CDK7: variants seen among roughly 807,000 people sequenced by gnomAD.
CDK7 encodes cyclin-dependent kinase 7.
CDK7 carries 25 observed loss-of-function variants against 49.1 expected under a neutral mutation model. The ratio of observed to expected loss-of-function variants is 0.51; its 90% CI spans 0.37 to 0.71. The LOEUF is 0.71. Among genes scored for constraint, CDK7 ranks in the 30% least tolerant of loss-of-function variants. CDK7 has a pLI of 0.00. For synonymous variants in CDK7, 107 were observed against 140.0 expected (o/e 0.76, Z 1.67); for missense variants, 316 against 411.7 (o/e 0.77, Z 2.01).
In CDK7 at chr5:69,269,276, A is replaced by G. The variant is rs1751367283; in HGVS notation, c.697A>G (p.Thr233Ala). 3.7e-6 allele frequency: 6 copies of G among 1,610,392 alleles called. No homozygotes were observed. Among genetic ancestry groups the G allele is most frequent in the African/African-American group, 2.7e-5 (2 of 74,808 alleles). Residue 233 changes from threonine to alanine, a missense_variant, in exon 9 of 12, where the codon ACT (threonine) becomes GCT (alanine). Physicochemically the swap from Thr to Ala is moderately conservative, Grantham distance 58. Coordinates refer to ENST00000256443, the MANE Select transcript of CDK7 (RefSeq NM_001799.4). The part of the protein sequence containing the change: ...TRIFETLGTP[T>A]EEQWPDMCSL... ...AATATTTGAAACTTTGGGCACACCAACTGAGGAACAGTGGCCGGTAAGCCT... is the reference window on the plus strand; with the variant it reads ...AATATTTGAAACTTTGGGCACACCAGCTGAGGAACAGTGGCCGGTAAGCCT...
intron 2 of CDK7, among the ~76,000 whole-genome samples, chr5:69,252,094 G>A (rs530258328): frequency 1.4e-4 from 21 of 152,210 alleles, no homozygotes; most frequent in Middle Eastern, 3.4e-3. Flanking sequence ...TTGAAGTTAC[G>A]TATTTATTTT....
chr5:69,241,204 A>G (rs989907246), intron 2 of CDK7, among the ~76,000 whole-genome samples: 36 of 151,840 alleles, frequency 2.4e-4, no homozygotes, highest in African/African-American at 8.7e-4. Flanking sequence ...TCCCACCAAC[A>G]ATGTACCTAG....
At chr5:69,255,130 TTTC>T (rs35100091) in intron 4 of CDK7, among the ~76,000 whole-genome samples, 6,481 of 152,322 alleles carry the variant, frequency 0.043, 192 homozygotes, top group South Asian at 0.061. Flanking sequence ...ATTTAGAGGA[TTTC>T]TTAAGAATCA....
At chr5:69,260,226 T>G (rs1388270055) in intron 7 of CDK7, among the ~76,000 whole-genome samples, 1 of 152,176 alleles carries the variant, frequency 6.6e-6, no homozygotes, top group Non-Finnish European at 1.5e-5. Context: ...GGCGCACGCC[T>G]GTAATCCTAG....
intron 3 of CDK7, among the ~76,000 whole-genome samples, chr5:69,253,795 A>G (rs985746139): frequency 6.6e-6 from 1 of 152,166 alleles, no homozygotes; most frequent in African/African-American, 2.4e-5. Flanking sequence ...TTGTTAAGCT[A>G]TTTTAAAAGT....
intron 5 of CDK7, among the ~76,000 whole-genome samples, chr5:69,256,731 A>G (rs1457859724): frequency 1.3e-5 from 2 of 152,154 alleles, no homozygotes; most frequent in African/African-American, 4.8e-5. Context: ...TGATGCTGTT[A>G]TAGATCACAA....
At chr5:69,254,567 G>T in intron 3 of CDK7, 35 bp from the exon 4 acceptor site, 5 of 892,064 alleles carry the variant, frequency 5.6e-6, no homozygotes, top group Non-Finnish European at 9.1e-6. Context: ...TGAGATTTCA[G>T]AATTATTCAC....
At position 69,242,917 on chromosome 5, in the gene CDK7, T is replaced by C. The variant is rs149662632; in HGVS notation, c.126+7464T>C. Among the ~76,000 whole-genome samples the C allele has an allele frequency of 4.8e-3, 732 of 152,152 alleles. 11 individuals carry two copies. The highest frequency in any genetic ancestry group is 0.017 in the African/African-American group (701 of 41,534). ...AAAATTATCCGGGCGTGGTGGTGCATGCCTGTAATTCCAGCTACTCTGCAG... is the reference window on the plus strand; with the variant it reads ...AAAATTATCCGGGCGTGGTGGTGCACGCCTGTAATTCCAGCTACTCTGCAG... On this transcript the variant is annotated intron_variant, in intron 2 of 11. Transcript: ENST00000256443.
In CDK7 at chr5:69,242,488, T is replaced by A. The variant is rs144111799; in HGVS notation, c.126+7035T>A. ...CTGAAAGATACCCCAACCACCAGTT[T>A]TACGTTTTACAATAGTGATGTTATC... On this transcript the variant is annotated intron_variant, in intron 2 of 11. Coordinates refer to ENST00000256443, the MANE Select transcript of CDK7 (RefSeq NM_001799.4). Among the ~76,000 whole-genome samples, 388 of 152,264 alleles carry A rather than the reference T, an allele frequency of 2.5e-3. 4 individuals are homozygous for A. The highest frequency in any genetic ancestry group is 4.2e-3 in the Non-Finnish European group (286 of 68,014).
chr5:69,256,414 C>T (rs960744627), intron 5 of CDK7, among the ~76,000 whole-genome samples: 10 of 152,036 alleles, frequency 6.6e-5, no homozygotes, highest in Admixed American at 2.0e-4. Flanking sequence ...AGTACAGTGG[C>T]GCGATCTCAA....
At position 69,255,426 on chromosome 5, in the gene CDK7, T is replaced by C. The variant is rs757659253; in HGVS notation, c.229-34T>C. 9 of 1,300,958 alleles carry C rather than the reference T, an allele frequency of 6.9e-6. No homozygotes were observed. The African/African-American group carries it at 1.2e-4, about 17-fold the overall frequency. The allele number at this position is 1,300,958 out of a possible 1,614,324, so 80.6% of individuals were successfully genotyped here. ...TGCTATGATACTGTCAGGTATTAAATAGTGAATCACATTTTAATTTTTTAA... is the reference window on the plus strand; with the variant it reads ...TGCTATGATACTGTCAGGTATTAAACAGTGAATCACATTTTAATTTTTTAA... On this transcript the variant is annotated intron_variant, in intron 4 of 11. Coordinates refer to ENST00000256443, the MANE Select transcript of CDK7 (RefSeq NM_001799.4).
intron 2 of CDK7, among the ~76,000 whole-genome samples, chr5:69,238,944 G>A (rs559573795): frequency 3.3e-5 from 5 of 152,184 alleles, no homozygotes; most frequent in South Asian, 2.1e-4. Context: ...ATTCATGCTC[G>A]TTGATTATTA....
At chr5:69,264,852 C>T (rs1266549093) in intron 8 of CDK7, among the ~76,000 whole-genome samples, 3 of 152,022 alleles carry the variant, frequency 2.0e-5, no homozygotes, top group African/African-American at 7.2e-5. Flanking sequence ...TGCCTGTAAT[C>T]CCAGCTACTC....
chr5:69,256,910 A>G (rs1750528899), intron 5 of CDK7, among the ~76,000 whole-genome samples: 1 of 152,178 alleles, frequency 6.6e-6, no homozygotes, highest in Non-Finnish European at 1.5e-5. Flanking sequence ...GTTGGTACAG[A>G]TGTTTGGCTT....
chr5:69,245,058 C>T (rs1376543112), intron 2 of CDK7, among the ~76,000 whole-genome samples: 3 of 152,022 alleles, frequency 2.0e-5, no homozygotes, highest in South Asian at 2.1e-4. Context: ...GATCTTTTTA[C>T]GTATTGTTGA....
rs1219108385 is a variant in CDK7, at chr5:69,234,982, C to T, written c.7C>T (p.Leu3=). 1 of 1,597,090 alleles carries T rather than the reference C, an allele frequency of 6.3e-7. No homozygotes were observed. The highest frequency in any genetic ancestry group is 1.8e-5 in the Admixed American group (1 of 57,064). The change falls in exon 1 of 12, where the codon CTG becomes TTG. Residue 3 remains leucine, a synonymous_variant. Coordinates refer to ENST00000256443, the MANE Select transcript of CDK7 (RefSeq NM_001799.4). ...TCGGGCTTTACGGCGCCGGATGGCT[C>T]TGGACGTGAAGTCTCGGGCAAAGCG... MA[L]DVKSRAKRYE...
rs1237171626 is a variant in CDK7, at chr5:69,234,997, C to A, written c.22C>A (p.Arg8=). The A allele has an allele frequency of 5.0e-6, 8 of 1,601,340 alleles. 1 individual carries two copies. The South Asian group carries it at 6.8e-5, about 14-fold the overall frequency. MALDVKS[R]AKRYEKLDFL... is the part of the protein sequence containing the mutation. ...CCGGATGGCTCTGGACGTGAAGTCT[C>A]GGGCAAAGCGTTATGAGAAGCTGGA... is the stretch of plus-strand genomic sequence containing the variant. The change falls in exon 1 of 12, where the codon CGG becomes AGG. Residue 8 remains arginine, a synonymous_variant. Coordinates refer to ENST00000256443, the MANE Select transcript of CDK7 (RefSeq NM_001799.4).
At position 69,272,256 on chromosome 5, in the gene CDK7, T is replaced by C. The variant is rs1751637689; in HGVS notation, c.715-636T>C. 2.6e-5 allele frequency among the ~76,000 whole-genome samples: 4 copies of C among 152,320 alleles called. No homozygotes were observed. In the South Asian group the frequency reaches 8.3e-4, roughly 32 times the overall value. ...TTCCATTGATTTATGTATCTCTCTCTCTGCCAATACAACAGAGTCTTAATC... is the reference window on the plus strand; with the variant it reads ...TTCCATTGATTTATGTATCTCTCTCCCTGCCAATACAACAGAGTCTTAATC... On this transcript the variant is annotated intron_variant, in intron 9 of 11. Coordinates refer to ENST00000256443, the MANE Select transcript of CDK7 (RefSeq NM_001799.4).
intron 8 of CDK7, among the ~76,000 whole-genome samples, chr5:69,265,746 C>T (rs576426225): frequency 1.3e-5 from 2 of 152,086 alleles, no homozygotes; most frequent in East Asian, 3.9e-4. Context: ...CCTGTCTCTA[C>T]CAAAAATACA....
Sources: allele counts gnomAD v4.1 joint callset (sites outside exome capture counted in the v4.1 genomes callset), GRCh38; gene constraint gnomAD v4.1.1; transcripts MANE v1.5; gene names NCBI Gene and HGNC (gene_info 2026-07-23, HGNC 2026-07-21).